Variants in RPS6KA1 observed in about 807,000 individuals in gnomAD.
The protein encoded by RPS6KA1 is ribosomal protein S6 kinase alpha-1.
Under a neutral mutation model 91.3 loss-of-function variants are expected in RPS6KA1, and 48 were observed. The observed-to-expected ratio is 0.53, with a 90% CI of 0.42 to 0.67. The LOEUF is 0.67. Among genes scored for constraint, RPS6KA1 ranks in the 30% least tolerant of loss-of-function variants. The probability of loss-of-function intolerance (pLI) is 0.00; values close to 1 mark genes in which losing one functional copy is unlikely to be tolerated. For missense variants in RPS6KA1, 719 were observed against 960.5 expected, an observed-to-expected ratio of 0.75 and a Z score of 3.32; for synonymous variants, 359 against 384.7, an observed-to-expected ratio of 0.93 and a Z score of 0.78.
chr1:26,571,707 T>C lies in RPS6KA1; in HGVS notation c.1752+97T>C. On this transcript the variant is annotated intron_variant, in intron 18 of 21. Transcript: ENST00000374168. This position sits in a 1 kb window ranked among gnomAD's most constrained non-coding sequence, Gnocchi z 5.1. The stretch of plus-strand genomic sequence containing the variant: ...CCACATTAGCCGGGACTCCAGTCTC[T>C]GTGACCTTGGCCCAGCTGGCAAGGG... 1 of 1,515,066 alleles carries C rather than the reference T, an allele frequency of 6.6e-7. No homozygotes were observed. The highest frequency in any genetic ancestry group is 1.4e-5 in the African/African-American group (1 of 72,770). 93.9% of individuals were successfully genotyped at this position (1,515,066 alleles called of 1,614,324 possible).
In RPS6KA1 at chr1:26,573,826, C is replaced by G. The variant is rs190199034; in HGVS notation, c.2086-253C>G. Among the ~76,000 whole-genome samples, 237 of 151,734 alleles carry G rather than the reference C, an allele frequency of 1.6e-3. 4 individuals are homozygous for G. In the East Asian group the frequency reaches 0.034, roughly 22 times the overall value. ...GGTGGCAAGCGCCTGTAATCCCAGC[C>G]ATTTGGGAGGCTGAGACAGGAGAAT... On this transcript the variant is annotated intron_variant, in intron 21 of 21. Coordinates refer to ENST00000374168, the MANE Select transcript of RPS6KA1 (RefSeq NM_002953.4).
At chr1:26,530,135 C>G (rs897254343) in intron 1 of RPS6KA1, 152 bp downstream of exon 1, 19 of 424,248 alleles carry the variant, frequency 4.5e-5, no homozygotes, top group South Asian at 2.9e-4. Context: ...GCTCCACCCC[C>G]CTATGCCCGG....
In RPS6KA1 at chr1:26,540,922, C is replaced by G. The variant is rs2075941934; in HGVS notation, c.108+3953C>G. On this transcript the variant is annotated intron_variant, in intron 2 of 21. Coordinates refer to ENST00000374168, the MANE Select transcript of RPS6KA1 (RefSeq NM_002953.4). This position sits in a 1 kb window ranked among gnomAD's most constrained non-coding sequence, Gnocchi z 4.2. The stretch of plus-strand genomic sequence containing the variant: ...TCTCCTGCCTCAGCCTCCGTAGTAG[C>G]TGGGATTGCAGGCATATGCCACTAT... Among the ~76,000 whole-genome samples, 6 of 152,188 alleles carry G rather than the reference C, an allele frequency of 3.9e-5. No individual in the cohort carries two copies. Among genetic ancestry groups the G allele is most frequent in the Admixed American group, 3.9e-4 (6 of 15,280 alleles).
At chr1:26,569,609 TC>T (rs1368280070) in intron 17 of RPS6KA1, among the ~76,000 whole-genome samples, 1 of 152,170 alleles carries the variant, frequency 6.6e-6, no homozygotes, top group Non-Finnish European at 1.5e-5. Context: ...GGCTTGGAGA[TC>T]AACTGAGACT....
rs2076080433 is a variant in RPS6KA1, at chr1:26,554,417, C to T, written c.613+166C>T. 2.7e-6 allele frequency: 3 copies of T among 1,106,602 alleles called. No homozygotes were observed. The highest frequency in any genetic ancestry group is 3.9e-6 in the Non-Finnish European group (3 of 764,204). The allele number at this position is 1,106,602 out of a possible 1,614,324, so 68.5% of individuals were successfully genotyped here. On this transcript the variant is annotated intron_variant, in intron 8 of 21. Transcript: ENST00000374168. This position sits in a 1 kb window ranked among gnomAD's most constrained non-coding sequence, Gnocchi z 4.6. ...GACTTGGAACACCCTCAGCTGGAAT[C>T]CCAGCCCCTCATTGTGTAACGTTGA... is the stretch of plus-strand genomic sequence containing the variant.
Position 26,529,907 on chromosome 1 carries a change from C to T in RPS6KA1, c.-14C>T, listed in dbSNP as rs1378176792. The T allele has an allele frequency of 8.4e-6, 12 of 1,423,554 alleles. No homozygotes were observed. Among genetic ancestry groups the T allele is most frequent in the Non-Finnish European group, 1.1e-5 (12 of 1,087,928 alleles). 88.2% of individuals were successfully genotyped at this position (1,423,554 alleles called of 1,614,324 possible). On this transcript the variant is annotated 5_prime_UTR_variant, in exon 1 of 22. Coordinates refer to ENST00000374168, the MANE Select transcript of RPS6KA1 (RefSeq NM_002953.4). This position sits in a 1 kb window ranked among gnomAD's most constrained non-coding sequence, Gnocchi z 4.2. The stretch of plus-strand genomic sequence containing the variant: ...GGGCCGCCGGAGGAGCGCGGGTGAC[C>T]TGGCGGCGGCGAGATGCCGCTCGCC...
Position 26,557,068 on chromosome 1 carries a change from T to G in RPS6KA1, c.1052T>G (p.Phe351Cys). ...AVAQPDDTFY[F>C]DTEFTSRTPK... ...GCTCAGCCTGATGACACCTTCTACT[T>G]TGACACCGAGTTCACGTCCCGCACA... Residue 351 changes from phenylalanine to cysteine, a missense_variant, in exon 13 of 22, where the codon TTT becomes TGT. Phe to Cys is a radical substitution (Grantham distance 205). This residue lies in a region of RPS6KA1 where 228 missense variants were observed against 247.6 expected (regional missense o/e 0.92). Coordinates refer to ENST00000374168, the MANE Select transcript of RPS6KA1 (RefSeq NM_002953.4). The G allele has an allele frequency of 6.2e-7, 1 of 1,614,078 alleles. No homozygotes were observed. Among genetic ancestry groups the G allele is most frequent in the Non-Finnish European group, 8.5e-7 (1 of 1,179,998 alleles).
At chr1:26,537,754 A>T (rs2124616098) in intron 2 of RPS6KA1, among the ~76,000 whole-genome samples, 1 of 152,278 alleles carries the variant, frequency 6.6e-6, no homozygotes. Flanking sequence ...GTTAGAGCAA[A>T]TCCGGGTTCC....
chr1:26,556,382 T>C (rs1199959049), intron 11 of RPS6KA1, among the ~76,000 whole-genome samples: 1 of 152,230 alleles, frequency 6.6e-6, no homozygotes, highest in Non-Finnish European at 1.5e-5. Context: ...CTGTTCTAAC[T>C]GTGTGGCCTT....
intron 2 of RPS6KA1, among the ~76,000 whole-genome samples, chr1:26,545,172 C>CTTTTTT (rs765400329): frequency 2.8e-5 from 4 of 145,118 alleles, no homozygotes; most frequent in Admixed American, 6.8e-5. Flanking sequence ...CTTTCTTTTT[C>CTTTTTT]TTTTTCTTTT....
At chr1:26,569,978 G>A (rs1487529170) in intron 17 of RPS6KA1, among the ~76,000 whole-genome samples, 1 of 152,150 alleles carries the variant, frequency 6.6e-6, no homozygotes, top group Non-Finnish European at 1.5e-5. Context: ...CAATGCCCAG[G>A]GAGGTTCCAT....
Position 26,547,003 on chromosome 1 carries a change from C to T in RPS6KA1, c.225+20C>T, listed in dbSNP as rs373293051. 1.1e-5 allele frequency: 17 copies of T among 1,597,628 alleles called. No homozygotes were observed. The African/African-American group carries it at 2.1e-4, about 20-fold the overall frequency. ...GGCAAAGTGAGTCATGAGCCCATAG[C>T]TGTGAAGGCAACACTCGTCATGTTA... On this transcript the variant is annotated intron_variant, in intron 3 of 21. Transcript: ENST00000374168. The surrounding 1 kb of genome is among the most constrained non-coding windows in gnomAD (Gnocchi z 4.1).
chr1:26,556,940 G>T, intron 12 of RPS6KA1, 58 bp from the exon 13 acceptor site: 2 of 1,364,876 alleles, frequency 1.5e-6, no homozygotes, highest in Non-Finnish European at 2.1e-6. Flanking sequence ...CCTGCATGGG[G>T]CTCCTGGTGG....
chr1:26,530,688 G>C lies in RPS6KA1; in HGVS notation c.63+705G>C, dbSNP rs1171185456. 9.0e-6 allele frequency: 11 copies of C among 1,222,904 alleles called. No individual in the cohort carries two copies. In the African/African-American group the frequency reaches 1.4e-4, roughly 16 times the overall value. 75.8% of individuals were successfully genotyped at this position (1,222,904 alleles called of 1,614,324 possible). ...CCGGTAGGAAGGGCTGGGCCCTTGG[G>C]GAGTTTGGCTTCTGCCAGCCCAGAC... On this transcript the variant is annotated intron_variant, in intron 1 of 21. Transcript: ENST00000374168.
At chr1:26,530,913 C>T (rs746829158) in intron 1 of RPS6KA1, 592 of 1,243,260 alleles carry the variant, frequency 4.8e-4, no homozygotes, top group Non-Finnish European at 6.0e-4. Context: ...GTGATATTCT[C>T]CTTCCCAGGT....
At chr1:26,553,730 A>C (rs2076074425) in intron 7 of RPS6KA1, 1 of 311,098 alleles carries the variant, frequency 3.2e-6, no homozygotes, top group East Asian at 5.8e-5. Context: ...TTTTTTTGCT[A>C]ATCTAGTGTG....
chr1:26,546,803 G>A (rs1570431818), intron 2 of RPS6KA1, 64 bp from the exon 3 acceptor site: 7 of 1,291,584 alleles, frequency 5.4e-6, no homozygotes, highest in Middle Eastern at 1.8e-4. Flanking sequence ...ATGGACTTGG[G>A]CAGGGGAGCC....
intron 21 of RPS6KA1, 136 bp downstream of exon 21, chr1:26,573,497 C>A: frequency 9.7e-7 from 1 of 1,034,680 alleles, no homozygotes; most frequent in Non-Finnish European, 1.4e-6. Flanking sequence ...GAAGACACAG[C>A]CCTGCCGTCA....
At chr1:26,542,630 G>A (rs1036580937) in intron 2 of RPS6KA1, among the ~76,000 whole-genome samples, 1 of 152,228 alleles carries the variant, frequency 6.6e-6, no homozygotes, top group Admixed American at 6.5e-5. Flanking sequence ...TGGGGCTTGG[G>A]ACTGGCAGCC....
Sources: gnomAD v4.1 joint callset for allele counts (sites outside exome capture counted in the v4.1 genomes callset) on GRCh38, gnomAD v4.1.1 for gene constraint, gnomAD v4.1.1 regional missense constraint, Gnocchi (gnomAD v3.1) non-coding constraint, MANE v1.5 for transcripts, NCBI Gene and HGNC (gene_info 2026-07-23, HGNC 2026-07-21) for gene names.